The following CAMTA1 variants were observed in gnomAD, a reference collection of about 807,000 sequenced individuals.
The protein encoded by CAMTA1 is calmodulin binding transcription activator 1.
CAMTA1 carries 27 observed loss-of-function variants against 170.9 expected under a neutral mutation model. The observed-to-expected ratio is 0.16, with a 90% CI of 0.12 to 0.22. The LOEUF (loss-of-function observed/expected upper bound fraction) is 0.22. Among genes scored for constraint, CAMTA1 ranks in the 10% least tolerant of loss-of-function variants. CAMTA1 has a pLI of 1.00. For missense variants in CAMTA1, 1,619 were observed against 2,217.2 expected, an observed-to-expected ratio of 0.73 and a Z score of 5.42; for synonymous variants, 833 against 891.5, an observed-to-expected ratio of 0.93 and a Z score of 1.17.
Position 7,682,850 on chromosome 1 carries a change from C to A in CAMTA1, c.2914+5117C>A, listed in dbSNP as rs771542390. On this transcript the variant is annotated intron_variant, in intron 11 of 22. Transcript: ENST00000303635. This position sits in a 1 kb window ranked among gnomAD's most constrained non-coding sequence, Gnocchi z 5.0. ...ACCCTCAGCTGGCCCATGAACACAT[C>A]GCATGACATGGGATGCTGTAAGAGA... Among the ~76,000 whole-genome samples, 37 of 152,322 alleles carry A rather than the reference C, an allele frequency of 2.4e-4. No individual in the cohort carries two copies. The highest frequency in any genetic ancestry group is 3.4e-3 in the Middle Eastern group (1 of 294).
intron 5 of CAMTA1, among the ~76,000 whole-genome samples, chr1:7,301,635 C>T (rs1281633922): frequency 6.6e-6 from 1 of 152,150 alleles, no homozygotes; most frequent in African/African-American, 2.4e-5. Context: ...TTCCCCACAG[C>T]ATGGATAGGA....
At chr1:6,856,740 G>C (rs1170665666) in intron 3 of CAMTA1, among the ~76,000 whole-genome samples, 1 of 152,208 alleles carries the variant, frequency 6.6e-6, no homozygotes, top group Non-Finnish European at 1.5e-5. Context: ...ATGTAATTCA[G>C]ATGAGAAGCC....
In CAMTA1 at chr1:7,041,748, G is replaced by A. The variant is rs1036442876; in HGVS notation, c.235-49556G>A. On this transcript the variant is annotated intron_variant, in intron 3 of 22. Coordinates refer to ENST00000303635, the MANE Select transcript of CAMTA1 (RefSeq NM_015215.4). The surrounding 1 kb of genome is among the most constrained non-coding windows in gnomAD (Gnocchi z 5.1). ...GAGACGATATTGATATTCTACATCCGTTTTGAATTCCAAAGAATATCAGGA... is the reference window on the plus strand; with the variant it reads ...GAGACGATATTGATATTCTACATCCATTTTGAATTCCAAAGAATATCAGGA... Among the ~76,000 whole-genome samples the A allele has an allele frequency of 2.0e-5, 3 of 152,184 alleles. No individual in the cohort carries two copies. The highest frequency in any genetic ancestry group is 4.4e-5 in the Non-Finnish European group (3 of 68,028).
intron 6 of CAMTA1, among the ~76,000 whole-genome samples, chr1:7,630,174 G>A (rs1205503701): frequency 1.3e-5 from 2 of 152,158 alleles, no homozygotes; most frequent in Non-Finnish European, 2.9e-5. Context: ...TCCCCTCCCG[G>A]GCAGCGCCCC....
rs144212413 is a variant in CAMTA1 at position 7,343,179 on chromosome 1, G to A, written c.438+93553G>A. On this transcript the variant is annotated intron_variant, in intron 5 of 22. Coordinates refer to ENST00000303635, the MANE Select transcript of CAMTA1 (RefSeq NM_015215.4). The stretch of plus-strand genomic sequence containing the variant: ...CATCTTTCATGAGTAATATCTTTCC[G>A]TGTTAAGTGGTAGGCACACAATGGT... Among the ~76,000 whole-genome samples, 798 of 152,248 alleles carry A rather than the reference G, an allele frequency of 5.2e-3. 8 individuals carry two copies. Among genetic ancestry groups the A allele is most frequent in the African/African-American group, 0.018 (755 of 41,546 alleles).
At chr1:7,220,190 C>T (rs936588979) in intron 4 of CAMTA1, among the ~76,000 whole-genome samples, 4 of 152,214 alleles carry the variant, frequency 2.6e-5, no homozygotes, top group Non-Finnish European at 4.4e-5. Context: ...GAATGCGCCA[C>T]GCCTGACTCA....
rs1172684686 is a variant in CAMTA1 at position 7,592,280 on chromosome 1, C to T, written c.511-48120C>T. On this transcript the variant is annotated intron_variant, in intron 6 of 22. Coordinates refer to ENST00000303635, the MANE Select transcript of CAMTA1 (RefSeq NM_015215.4). This position sits in a 1 kb window ranked among gnomAD's most constrained non-coding sequence, Gnocchi z 4.6. ...CCACGCCCATCACTGTCCTTGCCAT[C>T]ACTGTCCTTCCCCTTTGTGCTAGCT... 6.6e-6 allele frequency among the ~76,000 whole-genome samples: 1 copy of T among 152,186 alleles called. No individual in the cohort carries two copies. Among genetic ancestry groups the T allele is most frequent in the Non-Finnish European group, 1.5e-5 (1 of 68,042 alleles).
At chr1:7,145,334 T>C (rs376991709) in intron 4 of CAMTA1, among the ~76,000 whole-genome samples, 11 of 152,236 alleles carry the variant, frequency 7.2e-5, no homozygotes, top group African/African-American at 2.7e-4. Context: ...TATTCATCTA[T>C]TGTATTTATG....
Position 7,309,594 on chromosome 1 carries a change from C to G in CAMTA1, c.438+59968C>G, listed in dbSNP as rs548627298. Reference sequence around the variant, plus strand: ...GATTACAGGCGTGAGCCGCCGCGCCCGGCCTGAAAACTTTTATTCCTTTGT... The same window carrying G: ...GATTACAGGCGTGAGCCGCCGCGCCGGGCCTGAAAACTTTTATTCCTTTGT... On this transcript the variant is annotated intron_variant, in intron 5 of 22. Transcript: ENST00000303635. 3.3e-5 allele frequency among the ~76,000 whole-genome samples: 5 copies of G among 152,188 alleles called. No individual in the cohort carries two copies. The South Asian group carries it at 1.0e-3, about 32-fold the overall frequency.
chr1:6,909,518 A>G (rs1169526391), intron 3 of CAMTA1, among the ~76,000 whole-genome samples: 1 of 152,216 alleles, frequency 6.6e-6, no homozygotes, highest in Non-Finnish European at 1.5e-5. Flanking sequence ...AGTGGGCTCT[A>G]CAGCAGACCC....
intron 6 of CAMTA1, among the ~76,000 whole-genome samples, chr1:7,490,492 A>G (rs560129025): frequency 2.3e-3 from 344 of 152,296 alleles, no homozygotes; most frequent in African/African-American, 8.0e-3. Context: ...TCTCTACTAA[A>G]AATACAAAAA....
intron 3 of CAMTA1, among the ~76,000 whole-genome samples, chr1:6,957,121 T>G (rs1261042893): frequency 6.6e-6 from 1 of 152,204 alleles, no homozygotes; most frequent in South Asian, 2.1e-4. Flanking sequence ...GATGGAGGCT[T>G]GCTTCAGATG....
rs139413176 is a variant in CAMTA1 at position 7,353,322 on chromosome 1, C to T, written c.438+103696C>T. 1.2e-3 allele frequency among the ~76,000 whole-genome samples: 182 copies of T among 152,292 alleles called. 1 individual carries two copies. Among genetic ancestry groups the T allele is most frequent in the Non-Finnish European group, 1.9e-3 (129 of 68,024 alleles). ...TTCAACTCTAACCTCTCACCTGAAC[C>T]CCAGACTCCTGCATCTAGCCACCTA... is the stretch of plus-strand genomic sequence containing the variant. On this transcript the variant is annotated intron_variant, in intron 5 of 22. Transcript: ENST00000303635.
At chr1:6,819,444 C>G (rs967077617) in intron 1 of CAMTA1, among the ~76,000 whole-genome samples, 2 of 152,062 alleles carry the variant, frequency 1.3e-5, no homozygotes, top group Non-Finnish European at 2.9e-5. Context: ...TGCCATAATA[C>G]TAGTTGGCGC....
intron 5 of CAMTA1, among the ~76,000 whole-genome samples, chr1:7,265,227 C>T (rs1253658764): frequency 9.2e-5 from 14 of 152,168 alleles, no homozygotes; most frequent in Non-Finnish European, 1.9e-4. Context: ...TGTGGCTCAT[C>T]CAAGTGCCAT....
chr1:7,390,037 C>T (rs2088511988), intron 5 of CAMTA1, among the ~76,000 whole-genome samples: 1 of 152,342 alleles, frequency 6.6e-6, no homozygotes, highest in African/African-American at 2.4e-5. Flanking sequence ...CCCTGAATCA[C>T]TGATTCATCT....
chr1:7,287,473 C>T (rs1053332628), intron 5 of CAMTA1, among the ~76,000 whole-genome samples: 1 of 152,172 alleles, frequency 6.6e-6, no homozygotes, highest in Non-Finnish European at 1.5e-5. Flanking sequence ...CTACCTTTCT[C>T]CCTTTCCTTC....
At chr1:7,285,855 C>T (rs1355678814) in intron 5 of CAMTA1, among the ~76,000 whole-genome samples, 3 of 152,130 alleles carry the variant, frequency 2.0e-5, no homozygotes, top group African/African-American at 7.2e-5. Context: ...TGGCTGAAAT[C>T]CCCACCTCAA....
At chr1:6,819,859 A>G (rs1195172845) in intron 1 of CAMTA1, among the ~76,000 whole-genome samples, 1 of 152,234 alleles carries the variant, frequency 6.6e-6, no homozygotes, top group Admixed American at 6.5e-5. Context: ...CCTACTCTCC[A>G]GTCCTAAAGT....
Sources: allele counts gnomAD v4.1 joint callset (sites outside exome capture counted in the v4.1 genomes callset), GRCh38; gene constraint gnomAD v4.1.1; non-coding constraint Gnocchi (gnomAD v3.1); transcripts MANE v1.5; gene names NCBI Gene and HGNC (gene_info 2026-07-23, HGNC 2026-07-21).